NOX4: variants seen among roughly 807,000 people sequenced by gnomAD.
NOX4 encodes the protein kidney oxidase-1.
A neutral mutation model predicts 87.6 loss-of-function variants in NOX4; 69 were observed. The observed-to-expected ratio is 0.79, with a 90% CI of 0.65 to 0.96. NOX4 has a LOEUF of 0.96. NOX4 is among the 40% of genes least tolerant of loss of function. NOX4 has a pLI of 0.00. For synonymous variants in NOX4, 275 were observed against 238.2 expected (o/e 1.15, Z -1.42); for missense variants, 680 against 681.5 (o/e 1.00, Z 0.02).
chr11:89,448,719 A>C (rs1944818788), intron 4 of NOX4, among the ~76,000 whole-genome samples: 1 of 151,774 alleles, frequency 6.6e-6, no homozygotes, highest in African/African-American at 2.4e-5. Context: ...CCGTCTCTAC[A>C]AAAAAATACA....
intron 2 of NOX4, among the ~76,000 whole-genome samples, chr11:89,470,576 C>T (rs1945889049): frequency 6.6e-6 from 1 of 152,120 alleles, no homozygotes; most frequent in African/African-American, 2.4e-5. Context: ...CTTGCTCAGG[C>T]TCAGCAGCTC....
chr11:89,399,882 TAA>T (rs1440494781), intron 11 of NOX4, 133 bp downstream of exon 11: 5 of 584,544 alleles, frequency 8.6e-6, no homozygotes, highest in Non-Finnish European at 1.5e-5. Flanking sequence ...ATTTTCCTTG[TAA>T]AAAGATAGCT....
intron 11 of NOX4, among the ~76,000 whole-genome samples, chr11:89,382,290 C>G (rs1337277416): frequency 1.3e-5 from 2 of 152,120 alleles, no homozygotes; most frequent in Non-Finnish European, 2.9e-5. Context: ...AAAGCCTCTT[C>G]AACTCACACC....
intron 8 of NOX4, among the ~76,000 whole-genome samples, chr11:89,420,106 T>C (rs1263221922): frequency 6.6e-6 from 1 of 152,106 alleles, no homozygotes; most frequent in Non-Finnish European, 1.5e-5. Flanking sequence ...CTTAGGAGTT[T>C]CTGAATCAGA....
chr11:89,358,065 A>G (rs1938208238), intron 12 of NOX4, among the ~76,000 whole-genome samples: 1 of 152,014 alleles, frequency 6.6e-6, no homozygotes, highest in African/African-American at 2.4e-5. Context: ...CCAAGCAAAC[A>G]TCTTGAATAG....
the NOX4 span, among the ~76,000 whole-genome samples, chr11:89,570,381 A>G: frequency 6.6e-6 from 1 of 152,018 alleles, no homozygotes; most frequent in Non-Finnish European, 1.5e-5. Context: ...GGTGTGAAAA[A>G]CCACCTCTCA....
chr11:89,491,221 A>G lies in NOX4; in HGVS notation c.26T>C (p.Leu9Pro), dbSNP rs775594012. ...GAGGTGTTTAACCCCTTCGTTGGCG[A>G]GCCAGCTCCTCCAGGACACAGCCAT... MAVSWRSW[L>P]ANEGVKHLCL... The change falls in exon 1 of 18, where the codon CTC becomes CCC. Residue 9 changes from leucine to proline, a missense_variant. Physicochemically the swap from Leu to Pro is moderately conservative, Grantham distance 98. Coordinates refer to ENST00000263317, the MANE Select transcript of NOX4 (RefSeq NM_016931.5). 8.7e-6 allele frequency: 14 copies of G among 1,613,726 alleles called. No homozygotes were observed. Among genetic ancestry groups the G allele is most frequent in the Non-Finnish European group, 9.3e-6 (11 of 1,179,878 alleles).
At chr11:89,422,697 C>G (rs1943144745) in intron 7 of NOX4, among the ~76,000 whole-genome samples, 1 of 151,870 alleles carries the variant, frequency 6.6e-6, no homozygotes, top group South Asian at 2.1e-4. Flanking sequence ...GAAACCCTTA[C>G]TTAAGCAGCA....
chr11:89,335,068 C>T (rs1272824126), intron 17 of NOX4, among the ~76,000 whole-genome samples: 1 of 151,666 alleles, frequency 6.6e-6, no homozygotes, highest in African/African-American at 2.4e-5. Context: ...ATGTCAATAT[C>T]TGCAATATGT....
chr11:89,530,980 T>C, the NOX4 span, among the ~76,000 whole-genome samples: 2 of 152,122 alleles, frequency 1.3e-5, no homozygotes, highest in Non-Finnish European at 2.9e-5. Flanking sequence ...ATAATTCCAA[T>C]CCTTCCAGTG....
At chr11:89,390,715 T>C (rs938428286) in intron 11 of NOX4, among the ~76,000 whole-genome samples, 8 of 152,026 alleles carry the variant, frequency 5.3e-5, no homozygotes, top group African/African-American at 1.7e-4. Flanking sequence ...ATAAGGGAGG[T>C]GAGGTGAAAA....
the NOX4 span, among the ~76,000 whole-genome samples, chr11:89,527,734 A>C: frequency 2.6e-5 from 4 of 152,204 alleles, no homozygotes; most frequent in Non-Finnish European, 4.4e-5. Flanking sequence ...CAGAGGATGT[A>C]TGGAAGTGCC....
intron 7 of NOX4, among the ~76,000 whole-genome samples, chr11:89,428,970 C>A (rs1017257790): frequency 1.3e-5 from 2 of 152,290 alleles, no homozygotes; most frequent in East Asian, 3.9e-4. Context: ...GGAAGCAAAG[C>A]ACTCCTCAGC....
At chr11:89,422,607 A>G (rs1386821561) in intron 7 of NOX4, among the ~76,000 whole-genome samples, 1 of 152,088 alleles carries the variant, frequency 6.6e-6, no homozygotes, top group East Asian at 1.9e-4. Context: ...TGGATTTTAT[A>G]TATTAGAATA....
At chr11:89,466,203 A>T (rs1591325052) in intron 2 of NOX4, among the ~76,000 whole-genome samples, 3 of 152,328 alleles carry the variant, frequency 2.0e-5, no homozygotes, top group Non-Finnish European at 4.4e-5. Context: ...AGCCTGAACC[A>T]AGACAATCCT....
chr11:89,500,478 C>G (rs1947005216), upstream of NOX4, among the ~76,000 whole-genome samples: 1 of 152,164 alleles, frequency 6.6e-6, no homozygotes, highest in Admixed American at 6.5e-5. Context: ...CATTTAGCAA[C>G]AAAACCCCCT....
chr11:89,388,348 C>A (rs571319600), intron 11 of NOX4, among the ~76,000 whole-genome samples: 91 of 152,108 alleles, frequency 6.0e-4, no homozygotes, highest in Middle Eastern at 6.8e-3. Flanking sequence ...CCCAGGAATC[C>A]ACAGAACAAA....
chr11:89,376,443 A>G (rs1289935407), intron 11 of NOX4, among the ~76,000 whole-genome samples: 2 of 152,222 alleles, frequency 1.3e-5, no homozygotes, highest in Non-Finnish European at 2.9e-5. Context: ...GTTTTAGAAA[A>G]CATCTCAAAG....
intron 2 of NOX4, among the ~76,000 whole-genome samples, chr11:89,487,159 G>A (rs1946661340): frequency 6.6e-6 from 1 of 152,128 alleles, no homozygotes; most frequent in Admixed American, 6.6e-5. Context: ...AGACAGGGCT[G>A]TATTCAAATC....
Sources: allele counts gnomAD v4.1 joint callset (sites outside exome capture counted in the v4.1 genomes callset), GRCh38; gene constraint gnomAD v4.1.1; transcripts MANE v1.5; gene names NCBI Gene and HGNC (gene_info 2026-07-23, HGNC 2026-07-21).